The following IMMP2L variants were observed in gnomAD, a reference collection of about 807,000 sequenced individuals.
The protein encoded by IMMP2L is inner mitochondrial membrane peptidase subunit 2.
A neutral mutation model predicts 19.3 loss-of-function variants in IMMP2L; 18 were observed. The observed-to-expected ratio is 0.93, with a 90% CI of 0.64 to 1.38. IMMP2L has a LOEUF of 1.38. Ranked by LOEUF, IMMP2L falls within the 40% of genes most tolerant of loss-of-function variation. The pLI is 0.00. For missense variants in IMMP2L, 233 were observed against 218.2 expected, an observed-to-expected ratio of 1.07 and a Z score of -0.43; for synonymous variants, 76 against 73.0, an observed-to-expected ratio of 1.04 and a Z score of -0.21.
intron 3 of IMMP2L, among the ~76,000 whole-genome samples, chr7:110,992,159 A>G (rs952204260): frequency 6.6e-6 from 1 of 152,172 alleles, no homozygotes; most frequent in Admixed American, 6.6e-5. Context: ...GGTATAAAAA[A>G]TCTTGTAGTG....
chr7:111,420,325 AG>A (rs1218976302), intron 3 of IMMP2L, among the ~76,000 whole-genome samples: 1 of 151,852 alleles, frequency 6.6e-6, no homozygotes, highest in Non-Finnish European at 1.5e-5. Context: ...AGATCACAAA[AG>A]AAATTCCGAA....
At chr7:111,134,521 C>T (rs1258092987) in intron 3 of IMMP2L, among the ~76,000 whole-genome samples, 1 of 151,912 alleles carries the variant, frequency 6.6e-6, no homozygotes, top group Non-Finnish European at 1.5e-5. Flanking sequence ...TATGTCACAG[C>T]ATTTTTGAAA....
chr7:110,832,677 T>C (rs1036246531), intron 5 of IMMP2L, among the ~76,000 whole-genome samples: 3 of 152,022 alleles, frequency 2.0e-5, no homozygotes, highest in African/African-American at 7.2e-5. Context: ...TTGCACATAG[T>C]GATAATAATA....
At chr7:111,423,547 G>T (rs922805699) in intron 3 of IMMP2L, among the ~76,000 whole-genome samples, 1 of 151,664 alleles carries the variant, frequency 6.6e-6, no homozygotes, top group Admixed American at 6.6e-5. Flanking sequence ...TATTTCTGTG[G>T]GATAGGTGGT....
intron 5 of IMMP2L, among the ~76,000 whole-genome samples, chr7:110,755,558 C>A (rs1386845368): frequency 6.6e-6 from 1 of 152,098 alleles, no homozygotes; most frequent in African/African-American, 2.4e-5. Flanking sequence ...GAGCACTGTA[C>A]AAGGCATAGG....
At chr7:111,071,014 A>G (rs1794905248) in intron 3 of IMMP2L, among the ~76,000 whole-genome samples, 1 of 152,178 alleles carries the variant, frequency 6.6e-6, no homozygotes, top group South Asian at 2.1e-4. Flanking sequence ...ACTTATATAA[A>G]TCAATAACAA....
intron 3 of IMMP2L, among the ~76,000 whole-genome samples, chr7:111,085,916 T>C (rs542844122): frequency 1.3e-5 from 2 of 152,158 alleles, no homozygotes; most frequent in Admixed American, 1.3e-4. Flanking sequence ...TGTTCTCACT[T>C]ATAAGTGGGG....
chr7:111,100,315 C>T (rs1797835485), intron 3 of IMMP2L, among the ~76,000 whole-genome samples: 1 of 150,926 alleles, frequency 6.6e-6, no homozygotes, highest in East Asian at 1.9e-4. Context: ...AAGCATTTGA[C>T]TTTTTATGCA....
At chr7:110,848,263 CT>C (rs1805860712) in intron 5 of IMMP2L, among the ~76,000 whole-genome samples, 1 of 152,112 alleles carries the variant, frequency 6.6e-6, no homozygotes, top group African/African-American at 2.4e-5. Context: ...GAACAGACAA[CT>C]CACCAAAGAA....
At chr7:111,206,722 C>T (rs1220163717) in intron 3 of IMMP2L, among the ~76,000 whole-genome samples, 1 of 152,128 alleles carries the variant, frequency 6.6e-6, no homozygotes, top group Non-Finnish European at 1.5e-5. Flanking sequence ...CTCTATTGTG[C>T]TATCAACAAG....
At chr7:110,676,739 C>G (rs1792328463) in intron 5 of IMMP2L, among the ~76,000 whole-genome samples, 1 of 152,162 alleles carries the variant, frequency 6.6e-6, no homozygotes, top group Non-Finnish European at 1.5e-5. Flanking sequence ...CAATCTATCC[C>G]TACAAAGAAC....
chr7:110,987,049 A>G (rs1024060756), intron 3 of IMMP2L, among the ~76,000 whole-genome samples: 10 of 152,194 alleles, frequency 6.6e-5, no homozygotes, highest in African/African-American at 1.9e-4. Context: ...GGAAAAATAT[A>G]TATCAATCTA....
intron 3 of IMMP2L, among the ~76,000 whole-genome samples, chr7:111,018,778 G>A (rs538608276): frequency 2.7e-4 from 38 of 142,378 alleles, no homozygotes; most frequent in Non-Finnish European, 5.0e-4. Flanking sequence ...ACTGGAAATT[G>A]TGTGTCTTTT....
intron 3 of IMMP2L, among the ~76,000 whole-genome samples, chr7:111,120,866 A>G (rs1170465926): frequency 6.6e-6 from 1 of 152,036 alleles, no homozygotes; most frequent in Admixed American, 6.6e-5. Context: ...TTGAATCGCA[A>G]TCTAACTCAT....
At chr7:111,553,147 T>C (rs1767442427) in intron 1 of IMMP2L, among the ~76,000 whole-genome samples, 1 of 152,186 alleles carries the variant, frequency 6.6e-6, no homozygotes, top group African/African-American at 2.4e-5. Context: ...AAGGTTTTCA[T>C]GTTACAAAAC....
chr7:111,061,416 G>A (rs180782214), intron 3 of IMMP2L, among the ~76,000 whole-genome samples: 1 of 152,262 alleles, frequency 6.6e-6, no homozygotes, highest in East Asian at 1.9e-4. Flanking sequence ...TTTGCAGGTA[G>A]CACTGCTTGG....
In IMMP2L at chr7:110,872,986, A is replaced by G. The variant is rs563995406; in HGVS notation, c.408+13607T>C. The stretch of plus-strand genomic sequence containing the variant: ...GAAACCACCTTCAAAGCACTATTCA[A>G]TGTTGTCTTTGGAGACAAGTGAAGT... On this transcript the variant is annotated intron_variant, in intron 5 of 5. Coordinates refer to ENST00000405709, the MANE Select transcript of IMMP2L (RefSeq NM_032549.4). Among the ~76,000 whole-genome samples, 263 of 152,278 alleles carry G rather than the reference A, an allele frequency of 1.7e-3. 2 individuals carry two copies. Among genetic ancestry groups the G allele is most frequent in the South Asian group, 4.6e-3 (22 of 4,826 alleles).
At position 111,436,854 on chromosome 7, in the gene IMMP2L, G is replaced by A. The variant is rs145287807; in HGVS notation, c.239+50384C>T. On this transcript the variant is annotated intron_variant, in intron 3 of 5. Transcript: ENST00000405709. ...TGGTGAGGGCCTGAGGAAGTTTCCA[G>A]TCATGGCAGAAGGTGAAGGGGGTGC... 8.7e-3 allele frequency among the ~76,000 whole-genome samples: 1,321 copies of A among 151,970 alleles called. 11 individuals carry two copies. Among genetic ancestry groups the A allele is most frequent in the South Asian group, 0.014 (66 of 4,826 alleles).
intron 3 of IMMP2L, among the ~76,000 whole-genome samples, chr7:111,142,360 G>T: frequency 8.9e-6 from 1 of 112,438 alleles, no homozygotes; most frequent in African/African-American, 3.1e-5. Context: ...AAGAAAGAAA[G>T]AAAGAAAGAA....
Sources: gnomAD v4.1 joint callset for allele counts (sites outside exome capture counted in the v4.1 genomes callset) on GRCh38, gnomAD v4.1.1 for gene constraint, MANE v1.5 for transcripts, NCBI Gene and HGNC (gene_info 2026-07-23, HGNC 2026-07-21) for gene names.